The following EPB41L5 variants were observed in gnomAD, a reference collection of about 807,000 sequenced individuals.
EPB41L5 encodes the protein band 4.1-like protein 5.
In EPB41L5, 55 loss-of-function variants were observed where a neutral mutation model predicts 106.6. That is an observed-to-expected ratio of 0.52 (90% confidence interval 0.42 to 0.65). EPB41L5 has a LOEUF of 0.65. Ranked by LOEUF, EPB41L5 falls within the 30% of genes least tolerant of loss-of-function variation. The probability of loss-of-function intolerance (pLI) is 0.00; values close to 1 mark genes in which losing one functional copy is unlikely to be tolerated. For missense variants in EPB41L5, 871 were observed against 882.1 expected (o/e 0.99, Z 0.16); for synonymous variants, 297 against 306.7 (o/e 0.97, Z 0.33).
intron 20 of EPB41L5, among the ~76,000 whole-genome samples, chr2:120,153,211 T>G (rs1226423831): frequency 6.6e-6 from 1 of 152,186 alleles, no homozygotes; most frequent in Non-Finnish European, 1.5e-5. Context: ...TCATCTCAAA[T>G]TATTTTCTAA....
At chr2:120,026,357 T>TTTTGTTTG (rs146589355) in intron 2 of EPB41L5, among the ~76,000 whole-genome samples, 1 of 151,308 alleles carries the variant, frequency 6.6e-6, no homozygotes, top group African/African-American at 2.4e-5. Context: ...CTTTCTGTTT[T>TTTTGTTTG]TTTGTTTGTT....
intron 3 of EPB41L5, among the ~76,000 whole-genome samples, chr2:120,058,526 T>C (rs1307757363): frequency 6.6e-6 from 1 of 152,184 alleles, no homozygotes; most frequent in African/African-American, 2.4e-5. Context: ...GATAGCGTGA[T>C]GATAAATCAT....
rs866144270 is a variant in EPB41L5 at position 120,071,983 on chromosome 2, C to T, written c.286-1195C>T. Among the ~76,000 whole-genome samples, 21 of 151,998 alleles carry T rather than the reference C, an allele frequency of 1.4e-4. No homozygotes were observed. The South Asian group carries it at 2.7e-3, about 20-fold the overall frequency. On this transcript the variant is annotated intron_variant, in intron 3 of 24. Transcript: ENST00000263713. The stretch of plus-strand genomic sequence containing the variant: ...ACAGTAAAAGAAACTATCATCAGAG[C>T]GAACAGGCAATGTACAAAATGTACA...
At chr2:120,116,171 T>C (rs953967866) in intron 16 of EPB41L5, among the ~76,000 whole-genome samples, 1 of 152,234 alleles carries the variant, frequency 6.6e-6, no homozygotes, top group Non-Finnish European at 1.5e-5. Flanking sequence ...TAAATACCAA[T>C]TTAATGTCAG....
chr2:120,161,740 C>T (rs767841479), intron 21 of EPB41L5, among the ~76,000 whole-genome samples: 1 of 152,130 alleles, frequency 6.6e-6, no homozygotes, highest in Non-Finnish European at 1.5e-5. Context: ...CAACCATTGT[C>T]GCCTGAGTTC....
intron 3 of EPB41L5, among the ~76,000 whole-genome samples, chr2:120,060,253 G>A (rs186317048): frequency 6.6e-6 from 1 of 152,254 alleles, no homozygotes; most frequent in East Asian, 1.9e-4. Context: ...CTAATCAGTT[G>A]TATGCCTGAC....
chr2:120,109,768 C>T (rs1684635428), intron 16 of EPB41L5, among the ~76,000 whole-genome samples: 2 of 152,096 alleles, frequency 1.3e-5, no homozygotes, highest in African/African-American at 4.8e-5. Flanking sequence ...TTTTTTGTTT[C>T]ACAGGTAGCA....
At chr2:120,044,143 A>G (rs973725854) in intron 3 of EPB41L5, among the ~76,000 whole-genome samples, 3 of 144,376 alleles carry the variant, frequency 2.1e-5, no homozygotes, top group African/African-American at 7.5e-5. Flanking sequence ...CTGTCTCTTA[A>G]AAAAAAAAAA....
At chr2:120,120,556 CAATT>C (rs1319115327) in intron 16 of EPB41L5, among the ~76,000 whole-genome samples, 1 of 150,812 alleles carries the variant, frequency 6.6e-6, no homozygotes, top group African/African-American at 2.4e-5. Flanking sequence ...ATTCTAATCA[CAATT>C]GATGTGAACA....
intron 3 of EPB41L5, among the ~76,000 whole-genome samples, chr2:120,069,711 A>G (rs150188905): frequency 0.011 from 1,706 of 152,322 alleles, 36 homozygotes; most frequent in African/African-American, 0.038. Flanking sequence ...CTGGTCCTGA[A>G]TGACTACTGG....
intron 16 of EPB41L5, among the ~76,000 whole-genome samples, chr2:120,121,639 C>G (rs572395937): frequency 6.6e-6 from 1 of 152,068 alleles, no homozygotes; most frequent in Non-Finnish European, 1.5e-5. Context: ...TTTGCTATTG[C>G]GATTAGTGCC....
chr2:120,052,913 T>TC (rs986052995), intron 3 of EPB41L5, among the ~76,000 whole-genome samples: 27 of 152,206 alleles, frequency 1.8e-4, no homozygotes, highest in Non-Finnish European at 3.2e-4. Context: ...TAGTTTTTTT[T>TC]CTCTTTCCAT....
intron 14 of EPB41L5, among the ~76,000 whole-genome samples, chr2:120,096,467 G>A (rs1683762237): frequency 6.6e-6 from 1 of 152,016 alleles, no homozygotes; most frequent in African/African-American, 2.4e-5. Flanking sequence ...ATTTTTCTTG[G>A]ATTTATTTAT....
intron 7 of EPB41L5, 148 bp downstream of exon 7, chr2:120,075,901 T>A: frequency 1.5e-6 from 1 of 668,632 alleles, no homozygotes; most frequent in Non-Finnish European, 2.6e-6. Flanking sequence ...TGACTTTTAC[T>A]TGTTTTAGAA....
At chr2:120,019,679 A>T (rs1677795269) in intron 2 of EPB41L5, among the ~76,000 whole-genome samples, 1 of 152,180 alleles carries the variant, frequency 6.6e-6, no homozygotes, top group African/African-American at 2.4e-5. Flanking sequence ...GCTTCTATGC[A>T]CTTCTGTATT....
At chr2:120,128,733 G>A (rs1685566335) in intron 17 of EPB41L5, among the ~76,000 whole-genome samples, 1 of 149,862 alleles carries the variant, frequency 6.7e-6, no homozygotes, top group Non-Finnish European at 1.5e-5. Context: ...GACATCTAAC[G>A]TGTTTAAATT....
At chr2:120,039,828 GAAA>G (rs564488728) in intron 2 of EPB41L5, among the ~76,000 whole-genome samples, 4 of 86,434 alleles carry the variant, frequency 4.6e-5, no homozygotes, top group Non-Finnish European at 7.2e-5. Flanking sequence ...TCTGTCTCAG[GAAA>G]AAAAAAAAAA....
chr2:120,075,558 G>T (rs368729648), intron 6 of EPB41L5, 38 bp downstream of exon 6: 10 of 1,474,166 alleles, frequency 6.8e-6, no homozygotes, highest in Non-Finnish European at 9.5e-6. Flanking sequence ...GCACATTTTC[G>T]TGAGTGGTTG....
At position 120,176,556 on chromosome 2, in the gene EPB41L5, A is replaced by G. The variant is rs1447267448; in HGVS notation, c.*1649A>G. ...AAACATTTTTGCAGAAGGAAAGTCA[A>G]CACTTCTTGCTGGCTGCCTCCCCTT... is the stretch of plus-strand genomic sequence containing the variant. On this transcript the variant is annotated 3_prime_UTR_variant, in exon 25 of 25. Transcript: ENST00000263713. 1 of 152,228 alleles carries G rather than the reference A, an allele frequency of 6.6e-6. No individual in the cohort carries two copies. The highest frequency in any genetic ancestry group is 1.5e-5 in the Non-Finnish European group (1 of 68,040). The allele number at this position is 152,228 out of a possible 1,614,324, so 9.4% of individuals were successfully genotyped here. A position where few individuals can be genotyped will look rare whatever the true frequency, so the allele number is the denominator to read the frequency against.
Sources: gnomAD v4.1 joint callset for allele counts (sites outside exome capture counted in the v4.1 genomes callset) on GRCh38, gnomAD v4.1.1 for gene constraint, MANE v1.5 for transcripts, NCBI Gene and HGNC (gene_info 2026-07-23, HGNC 2026-07-21) for gene names.